Variants in GRIK3 observed in about 807,000 individuals in gnomAD.
GRIK3 encodes the protein glutamate receptor ionotropic, kainate 3.
Under a neutral mutation model 102.5 loss-of-function variants are expected in GRIK3, and 29 were observed. That is an observed-to-expected ratio of 0.28 (90% CI 0.21 to 0.39). GRIK3 has a LOEUF of 0.39. GRIK3 is among the 10% of genes least tolerant of loss of function. The probability of loss-of-function intolerance (pLI) is 1.00; values close to 1 mark genes in which losing one functional copy is unlikely to be tolerated. For missense variants in GRIK3, 908 were observed against 1,252.4 expected (o/e 0.73, Z 4.15); for synonymous variants, 511 against 504.9 (o/e 1.01, Z -0.16).
chr1:36,939,204 T>G (rs929964128), intron 1 of GRIK3, among the ~76,000 whole-genome samples: 1 of 152,226 alleles, frequency 6.6e-6, no homozygotes, highest in African/African-American at 2.4e-5. Flanking sequence ...AAGCTGATCA[T>G]GTGCCCCCAG....
In GRIK3 at chr1:36,859,309, C is replaced by G. The variant is rs1640692470; in HGVS notation, c.961-58G>C. The G allele has an allele frequency of 4.6e-5, 71 of 1,528,860 alleles. No homozygotes were observed. In the South Asian group the frequency reaches 8.5e-4, roughly 18 times the overall value. The allele number at this position is 1,528,860 out of a possible 1,614,324, so 94.7% of individuals were successfully genotyped here. A position where few individuals can be genotyped will look rare whatever the true frequency, so the allele number is the denominator to read the frequency against. ...CAAGGCCCTCCAGTCCTCAGCCCACCCTGCCCTGTCCCCCTTCTCCTCCCT... is the reference window on the plus strand; with the variant it reads ...CAAGGCCCTCCAGTCCTCAGCCCACGCTGCCCTGTCCCCCTTCTCCTCCCT... On this transcript the variant is annotated intron_variant, in intron 6 of 15. Coordinates refer to ENST00000373091, the MANE Select transcript of GRIK3 (RefSeq NM_000831.4).
intron 1 of GRIK3, among the ~76,000 whole-genome samples, chr1:37,020,010 C>G (rs1367809207): frequency 6.6e-6 from 1 of 152,202 alleles, no homozygotes; most frequent in African/African-American, 2.4e-5. Flanking sequence ...TGTTCAGAGG[C>G]AAATTCCTCA....
intron 1 of GRIK3, among the ~76,000 whole-genome samples, chr1:37,005,890 G>T (rs1215181544): frequency 6.6e-6 from 1 of 152,148 alleles, no homozygotes; most frequent in African/African-American, 2.4e-5. Context: ...ATTGTGGAAG[G>T]CCTTGAATGC....
chr1:36,811,125 A>C (rs1012812779), intron 13 of GRIK3, among the ~76,000 whole-genome samples: 3 of 152,202 alleles, frequency 2.0e-5, no homozygotes, highest in Admixed American at 1.3e-4. Flanking sequence ...TCAACAAGAC[A>C]AGGTGTGTGA....
chr1:37,016,242 G>A (rs1642651099), intron 1 of GRIK3, among the ~76,000 whole-genome samples: 2 of 152,212 alleles, frequency 1.3e-5, no homozygotes, highest in Admixed American at 1.3e-4. Flanking sequence ...ATACACAGGG[G>A]ATTACAATGG....
intron 1 of GRIK3, among the ~76,000 whole-genome samples, chr1:36,903,779 A>G (rs1641256111): frequency 6.6e-6 from 1 of 152,096 alleles, no homozygotes; most frequent in South Asian, 2.1e-4. Context: ...CTATGGAGAT[A>G]GTAAAAAAAA....
intron 1 of GRIK3, among the ~76,000 whole-genome samples, chr1:37,024,280 A>G (rs1171071077): frequency 6.6e-6 from 1 of 152,118 alleles, no homozygotes; most frequent in Non-Finnish European, 1.5e-5. Context: ...GCAGAGCTCT[A>G]GTGTAGGACA....
At chr1:36,838,932 C>T (rs1383629857) in intron 10 of GRIK3, among the ~76,000 whole-genome samples, 1 of 152,118 alleles carries the variant, frequency 6.6e-6, no homozygotes, top group Non-Finnish European at 1.5e-5. Flanking sequence ...AGGCCTGTAA[C>T]CCTGATGAAT....
At chr1:36,805,365 C>A in intron 14 of GRIK3, 128 bp from the exon 15 acceptor site, 1 of 844,132 alleles carries the variant, frequency 1.2e-6, no homozygotes, top group East Asian at 2.6e-5. Context: ...GGGTCCCTAT[C>A]CCTGTGAGTC....
At chr1:36,936,716 G>A (rs1039405295) in intron 1 of GRIK3, among the ~76,000 whole-genome samples, 1 of 152,158 alleles carries the variant, frequency 6.6e-6, no homozygotes, top group Non-Finnish European at 1.5e-5. Flanking sequence ...CATGAGGTCA[G>A]GGACTTTGTC....
intron 1 of GRIK3, among the ~76,000 whole-genome samples, chr1:37,013,701 T>C (rs1320291317): frequency 6.6e-6 from 1 of 152,142 alleles, no homozygotes; most frequent in Non-Finnish European, 1.5e-5. Context: ...GGTCCCTAGC[T>C]GGAAGGGGTG....
At chr1:36,858,204 C>T (rs2124237400) in intron 7 of GRIK3, among the ~76,000 whole-genome samples, 1 of 152,338 alleles carries the variant, frequency 6.6e-6, no homozygotes, top group South Asian at 2.1e-4. Context: ...TGGGATTTGA[C>T]TCTGGCCAGG....
chr1:36,959,751 T>C (rs1172357855), intron 1 of GRIK3, among the ~76,000 whole-genome samples: 1 of 93,894 alleles, frequency 1.1e-5, no homozygotes, highest in Non-Finnish European at 2.2e-5. Context: ...GTGCGCCCCA[T>C]TGAGTCTGTG....
intron 10 of GRIK3, among the ~76,000 whole-genome samples, chr1:36,829,598 C>T (rs1260397070): frequency 6.6e-6 from 1 of 152,118 alleles, no homozygotes; most frequent in Non-Finnish European, 1.5e-5. Flanking sequence ...TTCTAAACCT[C>T]TGGACCAGGC....
At chr1:36,864,518 G>C (rs2124245212) in intron 5 of GRIK3, among the ~76,000 whole-genome samples, 1 of 151,132 alleles carries the variant, frequency 6.6e-6, no homozygotes, top group East Asian at 2.0e-4. Flanking sequence ...CCCTCATCTA[G>C]GTAACCAGAG....
At chr1:36,900,469 G>T (rs1641222564) in intron 1 of GRIK3, among the ~76,000 whole-genome samples, 1 of 152,052 alleles carries the variant, frequency 6.6e-6, no homozygotes, top group South Asian at 2.1e-4. Context: ...TAACACATGG[G>T]TCACAAAAGA....
chr1:37,012,462 G>A (rs12138633), intron 1 of GRIK3, among the ~76,000 whole-genome samples: 34,749 of 152,142 alleles, frequency 0.23, 4,241 homozygotes, highest in Non-Finnish European at 0.26. Flanking sequence ...ATATCAAGAC[G>A]TTTCCTGTGC....
At position 36,810,883 on chromosome 1, in the gene GRIK3, C is replaced by A. The variant is rs189100427; in HGVS notation, c.2092-4557G>T. Among the ~76,000 whole-genome samples the A allele has an allele frequency of 1.4e-3, 215 of 152,336 alleles. 1 individual carries two copies. Among genetic ancestry groups the A allele is most frequent in the African/African-American group, 5.1e-3 (211 of 41,578 alleles). ...GACAGTCTAGCTCCTAGTTCACCTC[C>A]CCCCATCCCGGCAGCACATGCCTGA... On this transcript the variant is annotated intron_variant, in intron 13 of 15. Coordinates refer to ENST00000373091, the MANE Select transcript of GRIK3 (RefSeq NM_000831.4).
intron 1 of GRIK3, among the ~76,000 whole-genome samples, chr1:36,981,183 G>A (rs1642244459): frequency 6.6e-6 from 1 of 152,206 alleles, no homozygotes; most frequent in Admixed American, 6.5e-5. Flanking sequence ...CAGGGCTAAT[G>A]TCTTCTCTGC....
Sources: gnomAD v4.1 joint callset for allele counts (sites outside exome capture counted in the v4.1 genomes callset) on GRCh38, gnomAD v4.1.1 for gene constraint, MANE v1.5 for transcripts, NCBI Gene and HGNC (gene_info 2026-07-23, HGNC 2026-07-21) for gene names.